The following LRP1 variants were observed in gnomAD, a reference collection of about 807,000 sequenced individuals.
The protein encoded by LRP1 is prolow-density lipoprotein receptor-related protein 1.
A neutral mutation model predicts 541.5 loss-of-function variants in LRP1; 51 were observed. The observed-to-expected ratio is 0.09, with a 90% confidence interval of 0.08 to 0.12. The LOEUF is 0.12. Ranked by LOEUF, LRP1 falls within the 10% of genes least tolerant of loss-of-function variation. The probability of loss-of-function intolerance (pLI) is 1.00; values close to 1 mark genes in which losing one functional copy is unlikely to be tolerated. For synonymous variants in LRP1, 2,219 were observed against 2,470.8 expected, an observed-to-expected ratio of 0.90 and a Z score of 3.02; for missense variants, 3,878 against 6,376.2, an observed-to-expected ratio of 0.61 and a Z score of 13.34.
chr12:57,208,930 C>A, intron 78 of LRP1, 113 bp downstream of exon 78: 1 of 1,108,922 alleles, frequency 9.0e-7, no homozygotes. Flanking sequence ...TGGACTGGGG[C>A]AGGGCAGATT....
At chr12:57,167,389 C>A in intron 18 of LRP1, 55 bp from the exon 19 acceptor site, 1 of 1,286,176 alleles carries the variant, frequency 7.8e-7, no homozygotes, top group Non-Finnish European at 1.1e-6. Flanking sequence ...CTGCCCAGTA[C>A]TGTGATGCTG....
intron 64 of LRP1, 23 bp downstream of exon 64, chr12:57,200,838 T>TTC (rs1592657009): frequency 4.8e-6 from 3 of 630,258 alleles, no homozygotes; most frequent in South Asian, 2.1e-5. Flanking sequence ...CCGCCCACCC[T>TTC]CCCTCCTTCC....
rs189187739 is a variant in LRP1, at chr12:57,207,459, C to T, written c.11860-579C>T. ...AAGTTGCAGTGAGCCGAGTGCCACT[C>T]GGTTGCAGTGGCACCAAGGTTGCAG... On this transcript the variant is annotated intron_variant, in intron 76 of 88. Coordinates refer to ENST00000243077, the MANE Select transcript of LRP1 (RefSeq NM_002332.3). Among the ~76,000 whole-genome samples, 76 of 151,184 alleles carry T rather than the reference C, an allele frequency of 5.0e-4. 1 individual carries two copies. Among genetic ancestry groups the T allele is most frequent in the Non-Finnish European group, 8.8e-5 (6 of 67,862 alleles).
In LRP1 at chr12:57,210,784, G is replaced by C. The variant is rs1323780072; in HGVS notation, c.12821G>C (p.Gly4274Ala). 5.0e-6 allele frequency: 8 copies of C among 1,613,384 alleles called. No individual in the cohort carries two copies. Among genetic ancestry groups the C allele is most frequent in the Non-Finnish European group, 6.8e-6 (8 of 1,179,868 alleles). The change falls in exon 83 of 89, where the codon GGC (glycine) becomes GCC (alanine). Residue 4274 changes from glycine to alanine, a missense_variant. Coordinates refer to ENST00000243077, the MANE Select transcript of LRP1 (RefSeq NM_002332.3). Reference sequence around the variant, plus strand: ...AAATGCACCCAGCAGGTGTGTGCGGGCTACTGTGCCAACAACAGCACCTGC... The same window carrying C: ...AAATGCACCCAGCAGGTGTGTGCGGCCTACTGTGCCAACAACAGCACCTGC... Reference protein sequence around the residue: ...GPKCTQQVCAGYCANNSTCTV... With the variant: ...GPKCTQQVCAAYCANNSTCTV...
chr12:57,161,643 A>G (rs984450231), intron 13 of LRP1, among the ~76,000 whole-genome samples: 2 of 152,106 alleles, frequency 1.3e-5, no homozygotes, highest in African/African-American at 4.8e-5. Context: ...TCTTTGAACA[A>G]GCAGCACTAG....
At chr12:57,170,255 G>A (rs1388066996) in intron 20 of LRP1, among the ~76,000 whole-genome samples, 1 of 152,202 alleles carries the variant, frequency 6.6e-6, no homozygotes, top group Non-Finnish European at 1.5e-5. Flanking sequence ...CTCATCTTAA[G>A]TTGACCATCT....
chr12:57,202,804 A>T, intron 68 of LRP1: 3 of 562,758 alleles, frequency 5.3e-6, no homozygotes, highest in South Asian at 2.2e-5. Context: ...CCATACCCCC[A>T]CCTCTGTCCC....
At chr12:57,196,786 C>T (rs765313882) in intron 55 of LRP1, among the ~76,000 whole-genome samples, 196 bp from the exon 56 acceptor site, 7 of 152,194 alleles carry the variant, frequency 4.6e-5, no homozygotes, top group Non-Finnish European at 1.0e-4. Context: ...GGAGGGCACA[C>T]GCAGCTCTGT....
Position 57,136,053 on chromosome 12 carries a change from C to G in LRP1, c.68-2406C>G, listed in dbSNP as rs570792636. On this transcript the variant is annotated intron_variant, in intron 1 of 88. Coordinates refer to ENST00000243077, the MANE Select transcript of LRP1 (RefSeq NM_002332.3). ...TGCCTCTGAGTCCCATTCCAGCCCC[C>G]CTCTTCCCCCTCAGCCGGCCACGGC... Among the ~76,000 whole-genome samples the G allele has an allele frequency of 3.8e-3, 582 of 152,348 alleles. 2 individuals are homozygous for G. The highest frequency in any genetic ancestry group is 6.8e-3 in the Middle Eastern group (2 of 294).
chr12:57,139,254 T>C (rs2035238009), intron 2 of LRP1, among the ~76,000 whole-genome samples: 1 of 151,974 alleles, frequency 6.6e-6, no homozygotes, highest in Admixed American at 6.5e-5. Context: ...GCCCCTGCAT[T>C]CCTAGGTCCG....
At chr12:57,199,772 G>A in intron 61 of LRP1, 105 bp from the exon 62 acceptor site, 1 of 1,353,392 alleles carries the variant, frequency 7.4e-7, no homozygotes, top group Non-Finnish European at 1.0e-6. Context: ...CCTCCTAAAA[G>A]AGGCAGGGTT....
rs554712800 is a variant in LRP1 at position 57,128,902 on chromosome 12, G to A, written c.-63G>A. The stretch of plus-strand genomic sequence containing the variant: ...AAAAGGGGGACCCCCCAACTGGGGG[G>A]GGTGAAGGAGAGAAGTAGCAGGACC... On this transcript the variant is annotated 5_prime_UTR_variant, in exon 1 of 89. Coordinates refer to ENST00000243077, the MANE Select transcript of LRP1 (RefSeq NM_002332.3). 5 of 1,423,088 alleles carry A rather than the reference G, an allele frequency of 3.5e-6. No homozygotes were observed. Among genetic ancestry groups the A allele is most frequent in the African/African-American group, 1.4e-5 (1 of 70,580 alleles). 88.2% of individuals were successfully genotyped at this position (1,423,088 alleles called of 1,614,324 possible).
intron 12 of LRP1, 53 bp from the exon 13 acceptor site, chr12:57,160,831 TCACAGGGGA>T: frequency 1.5e-6 from 2 of 1,330,684 alleles, no homozygotes; most frequent in East Asian, 4.6e-5. Flanking sequence ...TGGATTGGGA[TCACAGGGGA>T]GGCTGTTGAT....
rs36120382 is a variant in LRP1, at chr12:57,213,340, T to TAAAAAAAAAAAAAAAAAA, written c.*789_*806dup. ...ACAGATATTGTTATAAATAAAATTGTAAAAAAAAAAAAAAAAAAAAAGGCC... is the reference window on the plus strand; with the variant it reads ...ACAGATATTGTTATAAATAAAATTGTAAAAAAAAAAAAAAAAAAAAAAAAAAAAAAAAAAAAAAAGGCC... On this transcript the variant is annotated 3_prime_UTR_variant, in exon 89 of 89. Coordinates refer to ENST00000243077, the MANE Select transcript of LRP1 (RefSeq NM_002332.3). 1 of 95,616 alleles carries TAAAAAAAAAAAAAAAAAA rather than the reference T, an allele frequency of 1.0e-5. No individual in the cohort carries two copies. The highest frequency in any genetic ancestry group is 1.9e-5 in the Non-Finnish European group (1 of 51,316). The allele number at this position is 95,616 out of a possible 1,614,324, so 5.9% of individuals were successfully genotyped here.
intron 3 of LRP1, 63 bp downstream of exon 3, chr12:57,141,574 G>T: frequency 6.2e-7 from 1 of 1,601,572 alleles, no homozygotes; most frequent in South Asian, 1.1e-5. Flanking sequence ...CCCACCTTCC[G>T]AGGACTGTCC....
chr12:57,196,466 T>G (rs1214524768), intron 55 of LRP1, among the ~76,000 whole-genome samples, 189 bp downstream of exon 55: 1 of 152,108 alleles, frequency 6.6e-6, no homozygotes, highest in Non-Finnish European at 1.5e-5. Flanking sequence ...ACAGATGAGA[T>G]ATGCAGTGTG....
intron 1 of LRP1, among the ~76,000 whole-genome samples, chr12:57,129,341 G>C (rs538957377): frequency 6.6e-6 from 1 of 152,136 alleles, no homozygotes; most frequent in Non-Finnish European, 1.5e-5. Flanking sequence ...TGTTCGGGGA[G>C]GGCCTCCGCC....
chr12:57,197,720 A>C lies in LRP1; in HGVS notation c.9282+56A>C. 3.8e-6 allele frequency: 6 copies of C among 1,594,932 alleles called. No homozygotes were observed. The highest frequency in any genetic ancestry group is 5.1e-6 in the Non-Finnish European group (6 of 1,171,808). ...TGGCCCGCCTCAGATGACTGTTTTC[A>C]GATCGTCTCTCCTTCCCGCCCCACC... On this transcript the variant is annotated intron_variant, in intron 58 of 88. Transcript: ENST00000243077. This position sits in a 1 kb window ranked among gnomAD's most constrained non-coding sequence, Gnocchi z 4.5.
chr12:57,138,305 A>AC (rs2035215988), intron 1 of LRP1, among the ~76,000 whole-genome samples, 154 bp from the exon 2 acceptor site: 1 of 151,314 alleles, frequency 6.6e-6, no homozygotes, highest in South Asian at 2.1e-4. Context: ...ACCCAAAGCC[A>AC]CCCCCTGACA....
Sources: allele counts gnomAD v4.1 joint callset (sites outside exome capture counted in the v4.1 genomes callset), GRCh38; gene constraint gnomAD v4.1.1; non-coding constraint Gnocchi (gnomAD v3.1); transcripts MANE v1.5; gene names NCBI Gene and HGNC (gene_info 2026-07-23, HGNC 2026-07-21).